The following RPTOR variants were observed in gnomAD, a reference collection of about 807,000 sequenced individuals.
RPTOR encodes regulatory associated protein of MTOR complex 1.
In RPTOR, 21 loss-of-function variants were observed where a neutral mutation model predicts 169.9. The observed-to-expected ratio is 0.12, with a 90% CI of 0.09 to 0.18. The LOEUF is 0.18. Ranked by LOEUF, RPTOR falls within the 10% of genes least tolerant of loss-of-function variation. RPTOR has a pLI of 1.00. For missense variants in RPTOR, 1,133 were observed against 1,855.9 expected (o/e 0.61, Z 7.16); for synonymous variants, 732 against 753.2 (o/e 0.97, Z 0.46).
At chr17:80,924,478 G>A (rs1003181899) in intron 23 of RPTOR, among the ~76,000 whole-genome samples, 1 of 152,156 alleles carries the variant, frequency 6.6e-6, no homozygotes, top group Non-Finnish European at 1.5e-5. Flanking sequence ...TGTTGGGGTA[G>A]AAGAGCTGTC....
intron 1 of RPTOR, among the ~76,000 whole-genome samples, chr17:80,603,360 C>A (rs1368861931): frequency 6.6e-6 from 1 of 152,198 alleles, no homozygotes; most frequent in African/African-American, 2.4e-5. Flanking sequence ...CTAATTTGTA[C>A]TAAGTGCGAA....
intron 7 of RPTOR, among the ~76,000 whole-genome samples, chr17:80,794,283 T>A (rs371070878): frequency 6.6e-6 from 1 of 152,084 alleles, no homozygotes; most frequent in Non-Finnish European, 1.5e-5. Flanking sequence ...ACCAAAGACA[T>A]GAAGAGACAC....
intron 1 of RPTOR, among the ~76,000 whole-genome samples, chr17:80,564,556 G>T (rs2084551816): frequency 6.6e-6 from 1 of 150,798 alleles, no homozygotes; most frequent in African/African-American, 2.4e-5. Context: ...CGTCACAGTG[G>T]TTTGTGTACA....
chr17:80,681,869 C>T (rs185076772), intron 3 of RPTOR, among the ~76,000 whole-genome samples: 3 of 151,284 alleles, frequency 2.0e-5, no homozygotes, highest in East Asian at 2.0e-4. Flanking sequence ...AGATAATAAA[C>T]GTAGTTACAA....
intron 6 of RPTOR, among the ~76,000 whole-genome samples, chr17:80,787,078 C>T (rs2067000253): frequency 6.6e-6 from 1 of 152,242 alleles, no homozygotes; most frequent in African/African-American, 2.4e-5. Context: ...CCGCCCCCGC[C>T]CTGTGACCAC....
At chr17:80,710,182 C>T (rs8070102) in intron 4 of RPTOR, among the ~76,000 whole-genome samples, 26,637 of 151,796 alleles carry the variant, frequency 0.18, 3,736 homozygotes, top group African/African-American at 0.39. Flanking sequence ...TTTTGTAGAG[C>T]CAGGGTCTTG....
intron 6 of RPTOR, among the ~76,000 whole-genome samples, chr17:80,776,959 C>A (rs551896883): frequency 1.7e-4 from 26 of 152,008 alleles, no homozygotes; most frequent in Admixed American, 1.6e-3. Context: ...AAGGGGGAGG[C>A]CGGGCGTGGT....
intron 9 of RPTOR, among the ~76,000 whole-genome samples, chr17:80,833,349 C>T (rs1254643725): frequency 6.6e-6 from 1 of 152,192 alleles, no homozygotes; most frequent in Non-Finnish European, 1.5e-5. Flanking sequence ...GAGCTGGTCA[C>T]AGCTAATCAC....
chr17:80,555,574 C>G (rs1472049960), intron 1 of RPTOR, among the ~76,000 whole-genome samples: 1 of 152,226 alleles, frequency 6.6e-6, no homozygotes, highest in African/African-American at 2.4e-5. Context: ...GCTGCCTAGA[C>G]AGACTGACAG....
At chr17:80,709,678 C>T (rs1187781988) in intron 4 of RPTOR, among the ~76,000 whole-genome samples, 4 of 152,112 alleles carry the variant, frequency 2.6e-5, no homozygotes, top group Non-Finnish European at 5.9e-5. Context: ...TTCAGCTGCC[C>T]ACCTTTCTCT....
intron 7 of RPTOR, among the ~76,000 whole-genome samples, chr17:80,791,941 A>G (rs1458467375): frequency 6.6e-6 from 1 of 151,954 alleles, no homozygotes; most frequent in Admixed American, 6.5e-5. Flanking sequence ...CCATTTTACT[A>G]TCTCAGGGCA....
At chr17:80,761,939 G>T (rs2066740533) in intron 6 of RPTOR, among the ~76,000 whole-genome samples, 1 of 152,156 alleles carries the variant, frequency 6.6e-6, no homozygotes, top group Non-Finnish European at 1.5e-5. Flanking sequence ...TCGTAGGCAA[G>T]TTTAATTTGG....
Position 80,823,958 on chromosome 17 carries a change from A to G in RPTOR, c.1136+735A>G, listed in dbSNP as rs2067411615. ...CAACACAAATATTTTTAAAAGAGCG[A>G]TTAACGTATGCCTAGCCGCAGAAGC... On this transcript the variant is annotated intron_variant, in intron 9 of 33. Coordinates refer to ENST00000306801, the MANE Select transcript of RPTOR (RefSeq NM_020761.3). This position sits in a 1 kb window ranked among gnomAD's most constrained non-coding sequence, Gnocchi z 4.5. 6.6e-6 allele frequency among the ~76,000 whole-genome samples: 1 copy of G among 152,242 alleles called. No homozygotes were observed. The highest frequency in any genetic ancestry group is 1.5e-5 in the Non-Finnish European group (1 of 68,046).
intron 1 of RPTOR, among the ~76,000 whole-genome samples, chr17:80,549,232 A>G (rs1339987029): frequency 1.3e-5 from 2 of 151,932 alleles, no homozygotes; most frequent in South Asian, 2.1e-4. Flanking sequence ...TCTACTATGT[A>G]TAGTGAATGA....
At chr17:80,840,461 C>T (rs1409633172) in intron 10 of RPTOR, among the ~76,000 whole-genome samples, 4 of 131,110 alleles carry the variant, frequency 3.1e-5, no homozygotes, top group Admixed American at 1.6e-4. Context: ...CTCTTTGCAC[C>T]GCAGCTCACG....
chr17:80,944,628 G>A (rs549984820), intron 25 of RPTOR, among the ~76,000 whole-genome samples: 64 of 152,260 alleles, frequency 4.2e-4, no homozygotes, highest in African/African-American at 1.5e-3. Flanking sequence ...TGCTTCCTTT[G>A]TGCCTCTCCA....
chr17:80,852,386 G>A (rs972842937), intron 11 of RPTOR, among the ~76,000 whole-genome samples: 1 of 152,106 alleles, frequency 6.6e-6, no homozygotes, highest in African/African-American at 2.4e-5. Flanking sequence ...CTGAGTTCCA[G>A]GCAGCAGTGG....
chr17:80,925,124 C>T (rs542286565), intron 23 of RPTOR, among the ~76,000 whole-genome samples: 1 of 152,348 alleles, frequency 6.6e-6, no homozygotes, highest in South Asian at 2.1e-4. Context: ...TGGGTCGGCC[C>T]TGGGGATGGT....
chr17:80,616,786 T>C (rs2065314639), intron 1 of RPTOR, among the ~76,000 whole-genome samples: 1 of 152,136 alleles, frequency 6.6e-6, no homozygotes, highest in African/African-American at 2.4e-5. Context: ...TTAGAGCCCT[T>C]TGCTATACTT....
Sources: gnomAD v4.1 joint callset for allele counts (sites outside exome capture counted in the v4.1 genomes callset) on GRCh38, gnomAD v4.1.1 for gene constraint, Gnocchi (gnomAD v3.1) non-coding constraint, MANE v1.5 for transcripts, NCBI Gene and HGNC (gene_info 2026-07-23, HGNC 2026-07-21) for gene names.